The following CERS6 variants were observed in gnomAD, a reference collection of about 807,000 sequenced individuals.
The protein encoded by CERS6 is LAG1 homolog, ceramide synthase 6.
In CERS6, 26 loss-of-function variants were observed where a neutral mutation model predicts 56.8. The ratio of observed to expected loss-of-function variants is 0.46; its 90% CI spans 0.34 to 0.63. The LOEUF is 0.63. Among genes scored for constraint, CERS6 ranks in the 30% least tolerant of loss-of-function variants. The pLI, the probability that CERS6 is intolerant of heterozygous loss-of-function variation, is 0.01. For missense variants in CERS6, 415 were observed against 467.5 expected, an observed-to-expected ratio of 0.89 and a Z score of 1.04; for synonymous variants, 164 against 173.3, an observed-to-expected ratio of 0.95 and a Z score of 0.42.
At chr2:168,653,444 T>C (rs1256745225) in intron 4 of CERS6, among the ~76,000 whole-genome samples, 1 of 152,220 alleles carries the variant, frequency 6.6e-6, no homozygotes, top group East Asian at 1.9e-4. Context: ...TTTTTTCCTG[T>C]AACACAATGA....
At chr2:168,500,497 T>C (rs1002619632) in intron 1 of CERS6, among the ~76,000 whole-genome samples, 1 of 152,196 alleles carries the variant, frequency 6.6e-6, no homozygotes, top group African/African-American at 2.4e-5. Flanking sequence ...TGTGGACATA[T>C]CCAACAATCC....
chr2:168,736,531 A>G (rs1028858329), intron 8 of CERS6, among the ~76,000 whole-genome samples: 2 of 151,924 alleles, frequency 1.3e-5, no homozygotes, highest in Non-Finnish European at 2.9e-5. Flanking sequence ...GGATCTCACC[A>G]TGATTTCCAG....
chr2:168,645,140 T>G (rs566695968), intron 4 of CERS6, among the ~76,000 whole-genome samples: 27 of 23,638 alleles, frequency 1.1e-3, no homozygotes, highest in Admixed American at 3.2e-3. Context: ...TATATATATA[T>G]ATAGAGAGAG....
intron 3 of CERS6, among the ~76,000 whole-genome samples, chr2:168,593,551 T>A (rs1344449892): frequency 6.6e-6 from 1 of 152,094 alleles, no homozygotes; most frequent in Non-Finnish European, 1.5e-5. Flanking sequence ...TTGTTTTGTT[T>A]TGTTTGTTTT....
intron 4 of CERS6, among the ~76,000 whole-genome samples, chr2:168,657,441 T>C (rs1002434835): frequency 1.3e-5 from 2 of 152,238 alleles, no homozygotes; most frequent in Non-Finnish European, 2.9e-5. Flanking sequence ...TGCGCTCGCA[T>C]TCCTCAGCCC....
chr2:168,715,894 A>G (rs963213675), intron 7 of CERS6, among the ~76,000 whole-genome samples: 5 of 152,110 alleles, frequency 3.3e-5, no homozygotes, highest in African/African-American at 1.2e-4. Flanking sequence ...GCCTATGTAG[A>G]AATGGTTCTT....
At chr2:168,746,795 A>G (rs1286822451) in intron 8 of CERS6, among the ~76,000 whole-genome samples, 6 of 103,516 alleles carry the variant, frequency 5.8e-5, no homozygotes, top group African/African-American at 2.3e-4. Flanking sequence ...ATATATATAT[A>G]TATATATATA....
At chr2:168,526,974 A>T (rs1695082877) in intron 1 of CERS6, among the ~76,000 whole-genome samples, 1 of 152,212 alleles carries the variant, frequency 6.6e-6, no homozygotes, top group Non-Finnish European at 1.5e-5. Flanking sequence ...GCTGGTTATT[A>T]AGCCATTATC....
intron 1 of CERS6, among the ~76,000 whole-genome samples, chr2:168,500,831 G>A (rs1433908573): frequency 1.3e-5 from 2 of 152,208 alleles, no homozygotes; most frequent in Non-Finnish European, 2.9e-5. Context: ...AATTTTGACA[G>A]TGTGTGTGTT....
chr2:168,741,829 C>T (rs1457538645), intron 8 of CERS6, among the ~76,000 whole-genome samples: 2 of 152,148 alleles, frequency 1.3e-5, no homozygotes, highest in Non-Finnish European at 2.9e-5. Context: ...CAGTAGCATT[C>T]TGAGTATTGA....
intron 1 of CERS6, among the ~76,000 whole-genome samples, chr2:168,525,871 G>A (rs2105359110): frequency 6.6e-6 from 1 of 152,262 alleles, no homozygotes; most frequent in Admixed American, 6.5e-5. Context: ...CATTGATTGA[G>A]TCTACCACTG....
chr2:168,619,935 G>A (rs1192512559), intron 3 of CERS6, among the ~76,000 whole-genome samples: 4 of 146,298 alleles, frequency 2.7e-5, no homozygotes, highest in Non-Finnish European at 6.0e-5. Flanking sequence ...CAGCCCAAAT[G>A]CCCATCAATC....
intron 1 of CERS6, among the ~76,000 whole-genome samples, chr2:168,512,126 T>C (rs780143098): frequency 3.3e-5 from 5 of 152,120 alleles, no homozygotes; most frequent in Non-Finnish European, 5.9e-5. Context: ...GTACCTAGAA[T>C]AGTCAGATTC....
At chr2:168,485,657 C>G (rs1055256550) in intron 1 of CERS6, among the ~76,000 whole-genome samples, 2 of 152,084 alleles carry the variant, frequency 1.3e-5, no homozygotes, top group African/African-American at 4.8e-5. Context: ...TAAGGTTCTC[C>G]CATGTTTTTT....
At chr2:168,682,509 T>A (rs1686244390) in intron 4 of CERS6, among the ~76,000 whole-genome samples, 1 of 152,152 alleles carries the variant, frequency 6.6e-6, no homozygotes, top group Admixed American at 6.5e-5. Flanking sequence ...TTTCCGTAGC[T>A]CATCTGGTTT....
At chr2:168,572,652 T>A (rs1395498193) in intron 3 of CERS6, among the ~76,000 whole-genome samples, 1 of 152,188 alleles carries the variant, frequency 6.6e-6, no homozygotes, top group East Asian at 1.9e-4. Context: ...CCTTTCTCTT[T>A]CCTTTCCACC....
chr2:168,567,050 A>T (rs1172435770), intron 3 of CERS6, among the ~76,000 whole-genome samples: 1 of 152,196 alleles, frequency 6.6e-6, no homozygotes, highest in Non-Finnish European at 1.5e-5. Flanking sequence ...AGGATACATG[A>T]TCAGCAATGT....
intron 4 of CERS6, among the ~76,000 whole-genome samples, chr2:168,637,825 TGAA>T (rs1463317167): frequency 6.6e-6 from 1 of 152,130 alleles, no homozygotes; most frequent in Non-Finnish European, 1.5e-5. Context: ...TAGGTAAAAA[TGAA>T]GACTCCTTTT....
At chr2:168,610,101 C>T (rs1684149712) in intron 3 of CERS6, among the ~76,000 whole-genome samples, 1 of 151,304 alleles carries the variant, frequency 6.6e-6, no homozygotes, top group African/African-American at 2.4e-5. Context: ...CTTCAGCCTC[C>T]CAAGTAGCTG....
Sources: gnomAD v4.1 joint callset for allele counts (sites outside exome capture counted in the v4.1 genomes callset) on GRCh38, gnomAD v4.1.1 for gene constraint, MANE v1.5 for transcripts, NCBI Gene and HGNC (gene_info 2026-07-23, HGNC 2026-07-21) for gene names.